Variants in NAALADL2 observed in about 807,000 individuals in gnomAD.
NAALADL2 encodes the protein N-acetylated alpha-linked acidic dipeptidase like 2, also known as inactive N-acetylated-alpha-linked acidic dipeptidase-like protein 2.
A neutral mutation model predicts 87.2 loss-of-function variants in NAALADL2; 76 were observed. The ratio of observed to expected loss-of-function variants is 0.87; its 90% CI spans 0.72 to 1.05. NAALADL2 has a LOEUF of 1.05. Among genes scored for constraint, NAALADL2 ranks in the 50% least tolerant of loss-of-function variants. NAALADL2 has a pLI of 0.00. For missense variants in NAALADL2, 1,089 were observed against 945.8 expected (o/e 1.15, Z -1.99); for synonymous variants, 354 against 331.0 (o/e 1.07, Z -0.75).
At chr3:174,685,720 A>G (rs961607590) in intron 2 of NAALADL2, among the ~76,000 whole-genome samples, 1 of 152,094 alleles carries the variant, frequency 6.6e-6, no homozygotes, top group Non-Finnish European at 1.5e-5. Flanking sequence ...TTTGTTACAT[A>G]GGTAAACTTG....
intron 3 of NAALADL2, among the ~76,000 whole-genome samples, chr3:174,803,205 T>C (rs1719046685): frequency 6.6e-6 from 1 of 152,204 alleles, no homozygotes; most frequent in Non-Finnish European, 1.5e-5. Context: ...ATTGTGATTT[T>C]GATTTGCATT....
chr3:174,903,009 T>C (rs1284531322), intron 1 of NAALADL2, among the ~76,000 whole-genome samples: 4 of 152,072 alleles, frequency 2.6e-5, no homozygotes, highest in Admixed American at 2.6e-4. Context: ...TTGCCAAAAT[T>C]ATATGTTGAC....
At chr3:174,727,307 A>T (rs1426399430) in intron 2 of NAALADL2, among the ~76,000 whole-genome samples, 1 of 151,720 alleles carries the variant, frequency 6.6e-6, no homozygotes, top group African/African-American at 2.4e-5. Context: ...TTTATTAAGG[A>T]TATGGAGATC....
At chr3:175,715,166 G>A (rs1316608699) in intron 11 of NAALADL2, among the ~76,000 whole-genome samples, 3 of 152,062 alleles carry the variant, frequency 2.0e-5, no homozygotes, top group Admixed American at 6.6e-5. Context: ...AATAACAGAA[G>A]CCTAAAGAAG....
intron 1 of NAALADL2, among the ~76,000 whole-genome samples, chr3:174,964,346 C>T: frequency 6.6e-6 from 1 of 151,922 alleles, no homozygotes; most frequent in Non-Finnish European, 1.5e-5. Context: ...CAGATATCTA[C>T]ATGGGAATGT....
intron 1 of NAALADL2, among the ~76,000 whole-genome samples, chr3:174,999,309 A>AG (rs1367585549): frequency 6.6e-6 from 1 of 151,190 alleles, no homozygotes; most frequent in African/African-American, 2.5e-5. Flanking sequence ...AGCAGCTAAT[A>AG]GGGGGAAAAT....
intron 4 of NAALADL2, among the ~76,000 whole-genome samples, chr3:175,308,855 A>T (rs1385466212): frequency 6.6e-6 from 1 of 152,188 alleles, no homozygotes; most frequent in Non-Finnish European, 1.5e-5. Context: ...TGCCAACTAT[A>T]AATCTTTCTA....
chr3:174,661,093 T>C (rs888962687), intron 2 of NAALADL2, among the ~76,000 whole-genome samples: 1 of 152,160 alleles, frequency 6.6e-6, no homozygotes, highest in Non-Finnish European at 1.5e-5. Flanking sequence ...AGATTCAGCT[T>C]CATTAAGGTC....
chr3:175,672,444 T>C (rs1013944437), intron 11 of NAALADL2, among the ~76,000 whole-genome samples: 1 of 152,178 alleles, frequency 6.6e-6, no homozygotes, highest in Non-Finnish European at 1.5e-5. Flanking sequence ...AAAATACCAC[T>C]GATCAAGACT....
chr3:174,480,269 A>T (rs1276685730), intron 1 of NAALADL2, among the ~76,000 whole-genome samples: 4 of 152,242 alleles, frequency 2.6e-5, no homozygotes, highest in South Asian at 2.1e-4. Context: ...AAGACTCCTC[A>T]TGGGAGTTGG....
chr3:175,245,328 C>T (rs920118319), intron 3 of NAALADL2, among the ~76,000 whole-genome samples: 2 of 152,110 alleles, frequency 1.3e-5, no homozygotes, highest in South Asian at 2.1e-4. Flanking sequence ...ATTTTTTACT[C>T]TAGCCTGAAA....
chr3:174,706,822 A>G (rs1730116530), intron 2 of NAALADL2, among the ~76,000 whole-genome samples: 1 of 152,170 alleles, frequency 6.6e-6, no homozygotes, highest in Non-Finnish European at 1.5e-5. Flanking sequence ...TATAAGGTGT[A>G]AGGAAGGGAT....
At chr3:175,584,684 C>T (rs901141491) in intron 10 of NAALADL2, among the ~76,000 whole-genome samples, 1 of 152,324 alleles carries the variant, frequency 6.6e-6, no homozygotes, top group South Asian at 2.1e-4. Context: ...CAAACCTGCA[C>T]AGCATGATAC....
intron 1 of NAALADL2, among the ~76,000 whole-genome samples, chr3:174,506,495 T>A (rs1424391674): frequency 6.6e-6 from 1 of 152,194 alleles, no homozygotes; most frequent in East Asian, 1.9e-4. Context: ...TCTTCATTTT[T>A]AACGGCTTTG....
At chr3:175,138,895 T>C (rs1311575841) in intron 2 of NAALADL2, among the ~76,000 whole-genome samples, 1 of 118,656 alleles carries the variant, frequency 8.4e-6, no homozygotes, top group Non-Finnish European at 1.9e-5. Context: ...AAAATATATA[T>C]ATATATATAT....
chr3:175,171,229 T>C (rs1450839313), intron 2 of NAALADL2, among the ~76,000 whole-genome samples: 1 of 152,002 alleles, frequency 6.6e-6, no homozygotes, highest in Non-Finnish European at 1.5e-5. Flanking sequence ...GAAACTTATA[T>C]TACAGAGAAG....
At chr3:175,461,105 T>C (rs2149262361) in intron 6 of NAALADL2, among the ~76,000 whole-genome samples, 1 of 152,232 alleles carries the variant, frequency 6.6e-6, no homozygotes, top group East Asian at 1.9e-4. Flanking sequence ...ATTGGTGCAT[T>C]TTTACAGAGT....
At chr3:174,612,297 G>A (rs9823885) in intron 2 of NAALADL2, among the ~76,000 whole-genome samples, 2,920 of 152,012 alleles carry the variant, frequency 0.019, 104 homozygotes, top group African/African-American at 0.066. Context: ...CTTGTGTCCC[G>A]TAACCTTCTT....
intron 3 of NAALADL2, among the ~76,000 whole-genome samples, chr3:174,788,015 G>A (rs1717015870): frequency 1.3e-5 from 2 of 152,020 alleles, no homozygotes; most frequent in Admixed American, 1.3e-4. Context: ...ATAGATAGAT[G>A]AGTAGTTAGA....
Sources: allele counts gnomAD v4.1 joint callset (sites outside exome capture counted in the v4.1 genomes callset), GRCh38; gene constraint gnomAD v4.1.1; transcripts MANE v1.5; gene names NCBI Gene and HGNC (gene_info 2026-07-23, HGNC 2026-07-21).